The following CDH10 variants were observed in gnomAD, a reference collection of about 807,000 sequenced individuals.
The protein encoded by CDH10 is cadherin-10.
Under a neutral mutation model 73.1 loss-of-function variants are expected in CDH10, and 30 were observed. That is an observed-to-expected ratio of 0.41 (90% CI 0.31 to 0.56). The LOEUF is 0.56. Ranked by LOEUF, CDH10 falls within the 20% of genes least tolerant of loss-of-function variation. The pLI, the probability that CDH10 is intolerant of heterozygous loss-of-function variation, is 0.27. For missense variants in CDH10, 815 were observed against 973.7 expected (o/e 0.84, Z 2.17); for synonymous variants, 345 against 348.2 (o/e 0.99, Z 0.10).
rs983181936 is a variant in CDH10, at chr5:24,573,700, C to T, written c.231+19560G>A. Among the ~76,000 whole-genome samples, 43 of 73,146 alleles carry T rather than the reference C, an allele frequency of 5.9e-4. 1 individual carries two copies. Among genetic ancestry groups the T allele is most frequent in the African/African-American group, 2.1e-3 (42 of 19,540 alleles). 48.0% of individuals were successfully genotyped at this position (73,146 alleles called of 152,430 possible). On this transcript the variant is annotated intron_variant, in intron 2 of 11. Transcript: ENST00000264463. ...TGGGCGACAGAGCGAGACTCCATCT[C>T]AAAAAAAAAAAAAAAGAAAGAAACA...
At chr5:24,540,847 G>A (rs78515268) in intron 2 of CDH10, among the ~76,000 whole-genome samples, 2,234 of 151,964 alleles carry the variant, frequency 0.015, 55 homozygotes, top group African/African-American at 0.047. Flanking sequence ...ATGAAAGATG[G>A]TCTTTGAAAA....
At chr5:24,534,885 T>C (rs1285993069) in intron 5 of CDH10, among the ~76,000 whole-genome samples, 1 of 147,816 alleles carries the variant, frequency 6.8e-6, no homozygotes, top group Non-Finnish European at 1.5e-5. Flanking sequence ...TTTGGGATCA[T>C]AGGTCTTCCT....
chr5:24,573,472 C>T (rs886127642), intron 2 of CDH10, among the ~76,000 whole-genome samples: 4 of 151,838 alleles, frequency 2.6e-5, no homozygotes, highest in Non-Finnish European at 4.4e-5. Context: ...GAGGCCGAGG[C>T]AGGCAGATCA....
chr5:24,610,616 A>T (rs560039894), intron 1 of CDH10, among the ~76,000 whole-genome samples: 1 of 152,270 alleles, frequency 6.6e-6, no homozygotes, highest in South Asian at 2.1e-4. Flanking sequence ...ATATTGATTT[A>T]ATTTATTTCT....
chr5:24,506,387 T>C (rs1742698844), intron 7 of CDH10, among the ~76,000 whole-genome samples: 1 of 152,170 alleles, frequency 6.6e-6, no homozygotes, highest in Admixed American at 6.5e-5. Flanking sequence ...AATCATTGTG[T>C]CTCTCCACTT....
chr5:24,547,626 GCTT>G (rs1473680580), intron 2 of CDH10, among the ~76,000 whole-genome samples: 1 of 152,184 alleles, frequency 6.6e-6, no homozygotes, highest in Non-Finnish European at 1.5e-5. Context: ...AAGGCTGAAA[GCTT>G]CTGAAAGCTG....
At chr5:24,507,352 A>G (rs532184662) in intron 7 of CDH10, among the ~76,000 whole-genome samples, 98 of 151,384 alleles carry the variant, frequency 6.5e-4, no homozygotes, top group African/African-American at 2.0e-3. Context: ...TATAATATGT[A>G]TAATATTATA....
chr5:24,597,286 T>C (rs1746401198), intron 1 of CDH10, among the ~76,000 whole-genome samples: 1 of 152,104 alleles, frequency 6.6e-6, no homozygotes, highest in South Asian at 2.1e-4. Context: ...GGGCATAAGA[T>C]GCAACATTTC....
intron 11 of CDH10, among the ~76,000 whole-genome samples, chr5:24,490,317 A>G (rs1742004249): frequency 6.6e-6 from 1 of 152,190 alleles, no homozygotes; most frequent in Non-Finnish European, 1.5e-5. Flanking sequence ...AAGTCAAATT[A>G]TAAAAATAAA....
intron 1 of CDH10, among the ~76,000 whole-genome samples, chr5:24,600,711 A>G (rs1353248456): frequency 6.6e-6 from 1 of 152,216 alleles, no homozygotes; most frequent in Non-Finnish European, 1.5e-5. Context: ...AGTGCGTTTC[A>G]TGAATTGACA....
chr5:24,593,921 T>G (rs1211724533), intron 1 of CDH10, among the ~76,000 whole-genome samples: 19 of 151,942 alleles, frequency 1.3e-4, no homozygotes, highest in Non-Finnish European at 7.4e-5. Flanking sequence ...GGAGATATAG[T>G]TCATTCTGCA....
At chr5:24,491,901 C>A in intron 10 of CDH10, 74 bp from the exon 11 acceptor site, 1 of 840,140 alleles carries the variant, frequency 1.2e-6, no homozygotes, top group Non-Finnish European at 1.8e-6. Flanking sequence ...CAAGGTTTAA[C>A]ATATAAATAA....
intron 2 of CDH10, among the ~76,000 whole-genome samples, chr5:24,559,232 C>A (rs1744872127): frequency 6.6e-6 from 1 of 151,846 alleles, no homozygotes. Flanking sequence ...ACTCCTTGTG[C>A]AAATCATTTC....
At chr5:24,505,507 C>T (rs1303912284) in intron 7 of CDH10, among the ~76,000 whole-genome samples, 2 of 152,182 alleles carry the variant, frequency 1.3e-5, no homozygotes, top group Non-Finnish European at 2.9e-5. Context: ...TTGTCATATT[C>T]ATTCAACTGA....
chr5:24,614,676 C>T (rs1747070943), intron 1 of CDH10, among the ~76,000 whole-genome samples: 1 of 152,124 alleles, frequency 6.6e-6, no homozygotes. Context: ...TAAACAGAAC[C>T]AGTGACAATT....
At chr5:24,601,683 T>A (rs563653712) in intron 1 of CDH10, among the ~76,000 whole-genome samples, 211 of 152,312 alleles carry the variant, frequency 1.4e-3, no homozygotes, top group African/African-American at 5.0e-3. Context: ...ATTTTAAGTA[T>A]AAATTTGCTA....
chr5:24,538,879 C>G (rs1469811044), intron 2 of CDH10, among the ~76,000 whole-genome samples: 1 of 152,036 alleles, frequency 6.6e-6, no homozygotes, highest in African/African-American at 2.4e-5. Context: ...CTTTGAGAAA[C>G]ATAAGAAGTG....
chr5:24,598,204 G>A (rs1486047562), intron 1 of CDH10, among the ~76,000 whole-genome samples: 1 of 151,856 alleles, frequency 6.6e-6, no homozygotes, highest in African/African-American at 2.4e-5. Context: ...CACCATGTGA[G>A]ATAATTGAAT....
At chr5:24,561,913 C>G (rs10472514) in intron 2 of CDH10, among the ~76,000 whole-genome samples, 125,839 of 151,940 alleles carry the variant, frequency 0.83, 52,152 homozygotes, top group East Asian at 0.9. Context: ...GAACCATGCA[C>G]AGAAACTTAA....
Sources: allele counts gnomAD v4.1 joint callset (sites outside exome capture counted in the v4.1 genomes callset), GRCh38; gene constraint gnomAD v4.1.1; transcripts MANE v1.5; gene names NCBI Gene and HGNC (gene_info 2026-07-23, HGNC 2026-07-21).